Variants in ARB2A observed in about 807,000 individuals in gnomAD.
ARB2A encodes ARB2 cotranscriptional regulator A.
the ARB2A span, among the ~76,000 whole-genome samples, chr5:93,859,036 C>T: frequency 3.9e-5 from 6 of 151,922 alleles, no homozygotes; most frequent in Non-Finnish European, 7.4e-5. Flanking sequence ...ATAAGAATAG[C>T]ACTGGCACAT....
At chr5:93,986,376 C>A in the ARB2A span, among the ~76,000 whole-genome samples, 1 of 150,310 alleles carries the variant, frequency 6.7e-6, no homozygotes, top group Non-Finnish European at 1.5e-5. Flanking sequence ...GGGGCGCCCC[C>A]GCCCGGCAGC....
the ARB2A span, among the ~76,000 whole-genome samples, chr5:94,002,179 T>C: frequency 4.6e-5 from 7 of 152,052 alleles, no homozygotes; most frequent in Non-Finnish European, 1.5e-5. Flanking sequence ...CCCCAACAAG[T>C]TAGGCTTGGT....
the ARB2A span, among the ~76,000 whole-genome samples, chr5:94,069,267 T>C: frequency 0.015 from 2,227 of 152,260 alleles, 58 homozygotes; most frequent in African/African-American, 0.051. Flanking sequence ...AGCCCCATCA[T>C]TCATCTATAA....
chr5:93,976,743 C>T, the ARB2A span, among the ~76,000 whole-genome samples: 1 of 152,098 alleles, frequency 6.6e-6, no homozygotes, highest in Admixed American at 6.5e-5. Context: ...ATTACACAGA[C>T]TTGGGCATTT....
At chr5:93,929,750 A>T in the ARB2A span, among the ~76,000 whole-genome samples, 2 of 152,212 alleles carry the variant, frequency 1.3e-5, no homozygotes. Flanking sequence ...ATCAAACAGA[A>T]AAGAAATGAA....
the ARB2A span, among the ~76,000 whole-genome samples, chr5:93,742,810 C>T: frequency 6.6e-6 from 1 of 152,206 alleles, no homozygotes; most frequent in African/African-American, 2.4e-5. Context: ...ATGGTGATAA[C>T]AGCCAAATCT....
the ARB2A span, among the ~76,000 whole-genome samples, chr5:93,720,493 T>C: frequency 6.6e-6 from 1 of 152,206 alleles, no homozygotes; most frequent in Non-Finnish European, 1.5e-5. Flanking sequence ...TGCTATTTAT[T>C]CAGTCTCAAG....
the ARB2A span, chr5:93,738,553 C>T: frequency 7.2e-5 from 11 of 152,282 alleles, no homozygotes; most frequent in East Asian, 2.1e-3. Flanking sequence ...TGAAAACAAT[C>T]TAAGTGCCCA....
chr5:93,856,989 T>C, the ARB2A span, among the ~76,000 whole-genome samples: 1 of 152,200 alleles, frequency 6.6e-6, no homozygotes, highest in Non-Finnish European at 1.5e-5. Flanking sequence ...TTTGTTAGTT[T>C]TCCTTCTAAC....
chr5:94,051,588 T>C, the ARB2A span, among the ~76,000 whole-genome samples: 2 of 152,212 alleles, frequency 1.3e-5, no homozygotes, highest in African/African-American at 2.4e-5. Context: ...TCTCATTGGA[T>C]AGCACTCTCT....
chr5:93,765,143 G>C, the ARB2A span, among the ~76,000 whole-genome samples: 1 of 152,202 alleles, frequency 6.6e-6, no homozygotes, highest in Non-Finnish European at 1.5e-5. Flanking sequence ...GTAAGACAGG[G>C]ATGCCCTCTC....
the ARB2A span, among the ~76,000 whole-genome samples, chr5:93,673,505 A>C: frequency 6.6e-6 from 1 of 152,218 alleles, no homozygotes; most frequent in Admixed American, 6.5e-5. Context: ...GCTTCTTCAG[A>C]GAAAAGAACA....
chr5:93,745,222 T>C, the ARB2A span, among the ~76,000 whole-genome samples: 85 of 152,176 alleles, frequency 5.6e-4, no homozygotes, highest in Non-Finnish European at 9.1e-4. Flanking sequence ...TTGGTTCAAA[T>C]TTCATCGTTT....
At chr5:93,782,399 T>C in the ARB2A span, among the ~76,000 whole-genome samples, 1 of 152,194 alleles carries the variant, frequency 6.6e-6, no homozygotes, top group Non-Finnish European at 1.5e-5. Context: ...TCCAGGATTA[T>C]AAATCTTAGC....
the ARB2A span, among the ~76,000 whole-genome samples, chr5:93,664,191 C>A: frequency 6.6e-6 from 1 of 151,920 alleles, no homozygotes; most frequent in Non-Finnish European, 1.5e-5. Context: ...GAGGATCCTC[C>A]CGCCTCAGCT....
the ARB2A span, chr5:93,738,271 A>T: frequency 6.5e-6 from 1 of 152,752 alleles, no homozygotes; most frequent in African/African-American, 2.4e-5. Flanking sequence ...AGCTACCAAG[A>T]TGGCTATAAT....
the ARB2A span, among the ~76,000 whole-genome samples, chr5:94,086,347 A>T: frequency 6.6e-6 from 1 of 152,210 alleles, no homozygotes; most frequent in Non-Finnish European, 1.5e-5. Flanking sequence ...GCCCCATAGG[A>T]TTATAAGGAA....
At chr5:94,041,331 C>T in the ARB2A span, among the ~76,000 whole-genome samples, 1 of 152,154 alleles carries the variant, frequency 6.6e-6, no homozygotes, top group East Asian at 1.9e-4. Context: ...GCCCAGCAAA[C>T]TGGTCAGTCA....
At chr5:94,035,476 A>G in the ARB2A span, among the ~76,000 whole-genome samples, 3 of 152,118 alleles carry the variant, frequency 2.0e-5, no homozygotes, top group South Asian at 2.1e-4. Flanking sequence ...ATATTGATAA[A>G]CTTGTTTCAA....
Sources: gnomAD v4.1 joint callset for allele counts (sites outside exome capture counted in the v4.1 genomes callset) on GRCh38, gnomAD v4.1.1 for gene constraint, MANE v1.5 for transcripts, NCBI Gene and HGNC (gene_info 2026-07-23, HGNC 2026-07-21) for gene names.